The following ARIH2 variants were observed in gnomAD, a reference collection of about 807,000 sequenced individuals.
ARIH2 encodes the protein ariadne RBR E3 ubiquitin protein ligase 2.
A neutral mutation model predicts 79.8 loss-of-function variants in ARIH2; 12 were observed. That is an observed-to-expected ratio of 0.15 (90% CI 0.10 to 0.24). The LOEUF (loss-of-function observed/expected upper bound fraction) is 0.24. Ranked by LOEUF, ARIH2 falls within the 10% of genes least tolerant of loss-of-function variation. The pLI is 1.00. For synonymous variants in ARIH2, 224 were observed against 213.9 expected (o/e 1.05, Z -0.41); for missense variants, 301 against 618.3 (o/e 0.49, Z 5.44).
chr3:48,928,986 G>T (rs1186551148), intron 3 of ARIH2, among the ~76,000 whole-genome samples: 1 of 152,090 alleles, frequency 6.6e-6, no homozygotes, highest in Non-Finnish European at 1.5e-5. Context: ...CCTCCAGAGG[G>T]CATTTCCCTG....
chr3:48,949,626 A>G (rs1361953542), intron 3 of ARIH2, among the ~76,000 whole-genome samples: 2 of 152,166 alleles, frequency 1.3e-5, no homozygotes, highest in Non-Finnish European at 2.9e-5. Context: ...GTAATTAATG[A>G]TCTTTCCTTG....
chr3:48,929,025 C>T (rs771569861), intron 3 of ARIH2, among the ~76,000 whole-genome samples: 29 of 152,156 alleles, frequency 1.9e-4, no homozygotes, highest in Non-Finnish European at 3.5e-4. Flanking sequence ...GTTTCTCTTC[C>T]TCACCATGCA....
chr3:48,970,479 C>A, intron 7 of ARIH2, 116 bp from the exon 8 acceptor site: 1 of 690,858 alleles, frequency 1.4e-6, no homozygotes, highest in Non-Finnish European at 2.6e-6. Flanking sequence ...TTTATATAGC[C>A]CCTTCGTATA....
At chr3:48,948,404 G>A (rs1442423829) in intron 3 of ARIH2, among the ~76,000 whole-genome samples, 2 of 152,148 alleles carry the variant, frequency 1.3e-5, no homozygotes, top group Non-Finnish European at 1.5e-5. Flanking sequence ...AAGTAGCTGG[G>A]ATCACAGGCA....
At chr3:48,961,831 A>T (rs1260992165) in intron 4 of ARIH2, 152 bp downstream of exon 4, 3 of 571,472 alleles carry the variant, frequency 5.2e-6, no homozygotes, top group Non-Finnish European at 9.3e-6. Context: ...TCTTCTCTTA[A>T]TATGTTGTGA....
rs1014722199 is a variant in ARIH2 at position 48,973,594 on chromosome 3, A to G, written c.771-105A>G. On this transcript the variant is annotated intron_variant, in intron 8 of 15. Transcript: ENST00000356401. The stretch of plus-strand genomic sequence containing the variant: ...CTGTCTCAAAAAAAAAAAAAAAAAG[A>G]AAAAAGCTCTAATTCATGATTTGTT... 7.9e-5 allele frequency: 61 copies of G among 776,504 alleles called. No individual in the cohort carries two copies. In the African/African-American group the frequency reaches 9.2e-4, roughly 12 times the overall value. 48.1% of individuals were successfully genotyped at this position (776,504 alleles called of 1,614,324 possible).
chr3:48,977,675 T>G (rs530923417), intron 11 of ARIH2, among the ~76,000 whole-genome samples: 33 of 152,284 alleles, frequency 2.2e-4, no homozygotes, highest in Admixed American at 5.2e-4. Flanking sequence ...GCCATGCTGG[T>G]TGTGAACTCC....
chr3:48,947,333 C>T (rs1029542328), intron 3 of ARIH2, among the ~76,000 whole-genome samples: 1 of 150,676 alleles, frequency 6.6e-6, no homozygotes, highest in African/African-American at 2.4e-5. Flanking sequence ...CCCAGCTACT[C>T]GGGAGGCTGA....
chr3:48,928,248 C>T (rs973610258), intron 3 of ARIH2, among the ~76,000 whole-genome samples: 1 of 152,136 alleles, frequency 6.6e-6, no homozygotes, highest in Admixed American at 6.6e-5. Flanking sequence ...TAGTCATTGC[C>T]TTTGGGCTAA....
chr3:48,975,541 G>A (rs2092449872), intron 11 of ARIH2, among the ~76,000 whole-genome samples: 1 of 151,856 alleles, frequency 6.6e-6, no homozygotes, highest in Non-Finnish European at 1.5e-5. Context: ...CTGCTTTGAT[G>A]CTCAACAGGA....
At chr3:48,926,377 C>G (rs149104614) in intron 2 of ARIH2, among the ~76,000 whole-genome samples, 3 of 151,908 alleles carry the variant, frequency 2.0e-5, no homozygotes, top group Admixed American at 1.3e-4. Context: ...AAGCGTTTCT[C>G]CTGTCTTAGC....
At chr3:48,949,399 G>A (rs1239954458) in intron 3 of ARIH2, among the ~76,000 whole-genome samples, 2 of 152,158 alleles carry the variant, frequency 1.3e-5, no homozygotes, top group Admixed American at 6.6e-5. Context: ...GAGCCATCGT[G>A]CCCAGCCGTG....
intron 13 of ARIH2, among the ~76,000 whole-genome samples, chr3:48,981,039 A>G (rs1410947173): frequency 6.7e-6 from 1 of 149,440 alleles, no homozygotes; most frequent in Admixed American, 6.7e-5. Flanking sequence ...AAAAAAAAAA[A>G]AAAGATTGGG....
At chr3:48,958,385 G>A (rs112502530) in intron 3 of ARIH2, among the ~76,000 whole-genome samples, 7,675 of 152,194 alleles carry the variant, frequency 0.05, 268 homozygotes, top group Non-Finnish European at 0.077. Context: ...AACAGGCACC[G>A]CACTGTAGCC....
At chr3:48,974,262 G>C (rs1167821965) in intron 9 of ARIH2, among the ~76,000 whole-genome samples, 1 of 152,154 alleles carries the variant, frequency 6.6e-6, no homozygotes, top group Admixed American at 6.5e-5. Flanking sequence ...TCAGTCACTC[G>C]CCGAGTCAGT....
At chr3:48,947,366 G>A (rs568374413) in intron 3 of ARIH2, among the ~76,000 whole-genome samples, 1 of 151,938 alleles carries the variant, frequency 6.6e-6, no homozygotes, top group Non-Finnish European at 1.5e-5. Context: ...GCTTGAACCT[G>A]GGCGGTGGAG....
chr3:48,974,925 C>T, intron 10 of ARIH2, 33 bp from the exon 11 acceptor site: 1 of 1,614,076 alleles, frequency 6.2e-7, no homozygotes, highest in Non-Finnish European at 8.5e-7. Flanking sequence ...TCAGTGTGCC[C>T]TTAACGTGTT....
At chr3:48,944,931 G>A in intron 3 of ARIH2, 1 of 381,516 alleles carries the variant, frequency 2.6e-6, no homozygotes, top group South Asian at 2.0e-5. Flanking sequence ...TCTAGCCCAG[G>A]CCCAGAAGCT....
In ARIH2 at chr3:48,965,689, G is replaced by A. The variant is rs1337327346; in HGVS notation, c.387+707G>A. Among the ~76,000 whole-genome samples the A allele has an allele frequency of 7.2e-5, 11 of 152,166 alleles. No homozygotes were observed. The East Asian group carries it at 1.6e-3, about 22-fold the overall frequency. On this transcript the variant is annotated intron_variant, in intron 5 of 15. Coordinates refer to ENST00000356401, the MANE Select transcript of ARIH2 (RefSeq NM_006321.4). ...TAAAGACCCCAGTCCGGCCAGGCAC[G>A]GTGGCTCACGCCCATAATCCCAGCA...
Sources: gnomAD v4.1 joint callset for allele counts (sites outside exome capture counted in the v4.1 genomes callset) on GRCh38, gnomAD v4.1.1 for gene constraint, MANE v1.5 for transcripts, NCBI Gene and HGNC (gene_info 2026-07-23, HGNC 2026-07-21) for gene names.